GABRB1: variants seen among roughly 807,000 people sequenced by gnomAD.
GABRB1 encodes the protein gamma-aminobutyric acid type A receptor subunit beta1.
A neutral mutation model predicts 51.6 loss-of-function variants in GABRB1; 17 were observed. That is an observed-to-expected ratio of 0.33 (90% confidence interval 0.23 to 0.49). The LOEUF is 0.49. Among genes scored for constraint, GABRB1 ranks in the 20% least tolerant of loss-of-function variants. The pLI, the probability that GABRB1 is intolerant of heterozygous loss-of-function variation, is 0.99. For missense variants in GABRB1, 410 were observed against 600.6 expected (o/e 0.68, Z 3.32); for synonymous variants, 247 against 218.9 (o/e 1.13, Z -1.14).
At chr4:47,381,755 T>C (rs538731600) in intron 5 of GABRB1, among the ~76,000 whole-genome samples, 1 of 152,282 alleles carries the variant, frequency 6.6e-6, no homozygotes, top group South Asian at 2.1e-4. Context: ...TATTTCTCTT[T>C]CCCCCCTTCC....
At chr4:47,206,401 T>C (rs1720126625) in intron 4 of GABRB1, among the ~76,000 whole-genome samples, 1 of 152,026 alleles carries the variant, frequency 6.6e-6, no homozygotes, top group African/African-American at 2.4e-5. Context: ...ATCTCACACC[T>C]CTTTCAAAGG....
chr4:47,096,156 T>G (rs535183175), intron 3 of GABRB1, among the ~76,000 whole-genome samples: 1 of 152,342 alleles, frequency 6.6e-6, no homozygotes, highest in Admixed American at 6.5e-5. Context: ...CTCATACCAC[T>G]GTGAATATAA....
At chr4:47,071,834 G>T (rs1727348967) in intron 3 of GABRB1, among the ~76,000 whole-genome samples, 1 of 151,752 alleles carries the variant, frequency 6.6e-6, no homozygotes, top group Non-Finnish European at 1.5e-5. Flanking sequence ...TCTCAAGCCA[G>T]CTAATGAAAA....
At chr4:47,375,447 G>A (rs1174378032) in intron 5 of GABRB1, among the ~76,000 whole-genome samples, 2 of 152,180 alleles carry the variant, frequency 1.3e-5, no homozygotes, top group African/African-American at 4.8e-5. Flanking sequence ...GGGAGAGCTA[G>A]GTCATGCTGC....
chr4:47,333,235 T>TATAC (rs1553875883), intron 5 of GABRB1, among the ~76,000 whole-genome samples: 11 of 33,356 alleles, frequency 3.3e-4, no homozygotes, highest in African/African-American at 1.2e-3. Context: ...TATATATATA[T>TATAC]ACACACCACG....
intron 3 of GABRB1, among the ~76,000 whole-genome samples, chr4:47,105,015 T>G (rs1327093099): frequency 6.6e-6 from 1 of 152,090 alleles, no homozygotes; most frequent in Non-Finnish European, 1.5e-5. Context: ...TTGGTTGAAA[T>G]GGAGACATCT....
chr4:47,423,135 A>G (rs1307996593), intron 8 of GABRB1, among the ~76,000 whole-genome samples: 2 of 152,130 alleles, frequency 1.3e-5, no homozygotes, highest in South Asian at 2.1e-4. Flanking sequence ...AAAAAAAAAA[A>G]GAGGTCCCTA....
chr4:47,165,926 G>T (rs1191417846), intron 4 of GABRB1, among the ~76,000 whole-genome samples: 1 of 152,114 alleles, frequency 6.6e-6, no homozygotes, highest in East Asian at 1.9e-4. Flanking sequence ...CGTCTCTTTT[G>T]TCACTGAGAC....
chr4:47,263,850 G>A (rs947236126), intron 4 of GABRB1, among the ~76,000 whole-genome samples: 1 of 152,066 alleles, frequency 6.6e-6, no homozygotes, highest in African/African-American at 2.4e-5. Context: ...GCTTGAGAAT[G>A]GAAACAAAAT....
intron 4 of GABRB1, among the ~76,000 whole-genome samples, chr4:47,284,300 A>T (rs2109912504): frequency 6.6e-6 from 1 of 152,168 alleles, no homozygotes; most frequent in Admixed American, 6.5e-5. Context: ...TAAGACAAGC[A>T]TGTAAAGATG....
intron 4 of GABRB1, among the ~76,000 whole-genome samples, chr4:47,261,679 T>C (rs911833330): frequency 2.6e-5 from 4 of 151,746 alleles, no homozygotes; most frequent in African/African-American, 9.7e-5. Flanking sequence ...CTTCACAGAA[T>C]TGGAAAAAAC....
At chr4:47,083,644 A>G (rs1727946013) in intron 3 of GABRB1, among the ~76,000 whole-genome samples, 1 of 152,158 alleles carries the variant, frequency 6.6e-6, no homozygotes, top group Admixed American at 6.6e-5. Context: ...CACATTGCTA[A>G]GCATCCATCC....
At chr4:47,288,576 A>T (rs1723601891) in intron 4 of GABRB1, among the ~76,000 whole-genome samples, 1 of 152,082 alleles carries the variant, frequency 6.6e-6, no homozygotes, top group South Asian at 2.1e-4. Context: ...CTTCTATCTT[A>T]ATAATGTTTT....
intron 1 of GABRB1, among the ~76,000 whole-genome samples, chr4:46,997,217 A>G (rs1450792656): frequency 6.6e-6 from 1 of 152,078 alleles, no homozygotes; most frequent in African/African-American, 2.4e-5. Flanking sequence ...TGAGGTATAC[A>G]ACAAGATGTT....
At chr4:47,289,729 A>G (rs1723653007) in intron 4 of GABRB1, among the ~76,000 whole-genome samples, 1 of 152,238 alleles carries the variant, frequency 6.6e-6, no homozygotes, top group Non-Finnish European at 1.5e-5. Flanking sequence ...CCCTGTATGT[A>G]TAGCCTGGGA....
chr4:47,279,052 G>C lies in GABRB1; in HGVS notation c.462-41075G>C, dbSNP rs142705053. Among the ~76,000 whole-genome samples the C allele has an allele frequency of 1.4e-4, 21 of 152,124 alleles. No homozygotes were observed. In the East Asian group the frequency reaches 3.9e-3, roughly 28 times the overall value. On this transcript the variant is annotated intron_variant, in intron 4 of 8. Transcript: ENST00000295454. The stretch of plus-strand genomic sequence containing the variant: ...TAAATAGAAGTGTGATCTAAGCATA[G>C]ATAAGCCCTTGTTTCCCACTCTTTC...
At chr4:47,067,679 G>A (rs1328859504) in intron 3 of GABRB1, among the ~76,000 whole-genome samples, 1 of 151,752 alleles carries the variant, frequency 6.6e-6, no homozygotes, top group Non-Finnish European at 1.5e-5. Flanking sequence ...CTGTCGCCCA[G>A]GCTGGAGTGG....
At chr4:47,391,999 G>A (rs1245934083) in intron 5 of GABRB1, among the ~76,000 whole-genome samples, 2 of 152,020 alleles carry the variant, frequency 1.3e-5, no homozygotes, top group Non-Finnish European at 2.9e-5. Context: ...TAACTGACAG[G>A]ATCCTATCTG....
intron 3 of GABRB1, among the ~76,000 whole-genome samples, chr4:47,130,559 AC>A (rs1220528823): frequency 2.0e-5 from 3 of 151,954 alleles, no homozygotes; most frequent in African/African-American, 7.3e-5. Context: ...GAACCTCCTG[AC>A]CATTTGCCTC....
Sources: allele counts gnomAD v4.1 joint callset (sites outside exome capture counted in the v4.1 genomes callset), GRCh38; gene constraint gnomAD v4.1.1; transcripts MANE v1.5; gene names NCBI Gene and HGNC (gene_info 2026-07-23, HGNC 2026-07-21).